The following R3HDM2 variants were observed in gnomAD, a reference collection of about 807,000 sequenced individuals.
The protein encoded by R3HDM2 is R3H domain containing 2, also known as R3H domain-containing protein 2.
In R3HDM2, 38 loss-of-function variants were observed where a neutral mutation model predicts 124.5. That is an observed-to-expected ratio of 0.31 (90% CI 0.24 to 0.40). R3HDM2 has a LOEUF of 0.40. R3HDM2 is among the 10% of genes least tolerant of loss of function. The pLI is 1.00. For synonymous variants in R3HDM2, 391 were observed against 448.0 expected, an observed-to-expected ratio of 0.87 and a Z score of 1.61; for missense variants, 869 against 1,236.9, an observed-to-expected ratio of 0.70 and a Z score of 4.46.
In R3HDM2 at chr12:57,311,896, T is replaced by G. The variant is rs117278631; in HGVS notation, c.-35-1433A>C. Among the ~76,000 whole-genome samples, 75 of 152,314 alleles carry G rather than the reference T, an allele frequency of 4.9e-4. 1 individual carries two copies. The East Asian group carries it at 0.014, about 29-fold the overall frequency. ...TATCACTACCTGGGAAATCCTGTAATGAAGCCTACACAGTTCTCCAACCAC... is the reference window on the plus strand; with the variant it reads ...TATCACTACCTGGGAAATCCTGTAAGGAAGCCTACACAGTTCTCCAACCAC... On this transcript the variant is annotated intron_variant, in intron 2 of 23. Coordinates refer to ENST00000402412, the MANE Select transcript of R3HDM2 (RefSeq NM_001394031.1).
chr12:57,295,982 G>A (rs774160236), intron 9 of R3HDM2, among the ~76,000 whole-genome samples: 8 of 152,258 alleles, frequency 5.3e-5, no homozygotes, highest in Non-Finnish European at 8.8e-5. Context: ...TGATTCTCCT[G>A]CCTCAGCCTC....
chr12:57,305,756 C>T (rs2052442057), intron 3 of R3HDM2: 1 of 397,000 alleles, frequency 2.5e-6, no homozygotes, highest in African/African-American at 2.1e-5. Flanking sequence ...ACAGCAGAAG[C>T]GTCTGACTCA....
At chr12:57,388,138 T>C (rs2066135512) in intron 2 of R3HDM2, among the ~76,000 whole-genome samples, 3 of 151,734 alleles carry the variant, frequency 2.0e-5, no homozygotes, top group Admixed American at 2.0e-4. Context: ...CTAATTTTTG[T>C]ATTTTTAGTA....
intron 2 of R3HDM2, among the ~76,000 whole-genome samples, chr12:57,335,883 T>G (rs2058790535): frequency 6.6e-6 from 1 of 151,852 alleles, no homozygotes; most frequent in African/African-American, 2.4e-5. Flanking sequence ...CATAAGGAAC[T>G]TAAATGTACA....
chr12:57,265,033 T>C (rs1239993442), intron 19 of R3HDM2, among the ~76,000 whole-genome samples: 1 of 152,178 alleles, frequency 6.6e-6, no homozygotes, highest in Non-Finnish European at 1.5e-5. Flanking sequence ...GGGGAATTCT[T>C]GGCAAAGGCA....
chr12:57,306,155 G>T (rs2052522922), intron 3 of R3HDM2, among the ~76,000 whole-genome samples: 1 of 152,144 alleles, frequency 6.6e-6, no homozygotes, highest in African/African-American at 2.4e-5. Context: ...TTATAACAGG[G>T]ACCAAGGAAT....
chr12:57,410,843 ACTCTGT>A (rs1486752358), intron 1 of R3HDM2, among the ~76,000 whole-genome samples: 1 of 152,090 alleles, frequency 6.6e-6, no homozygotes, highest in Non-Finnish European at 1.5e-5. Context: ...ACAGAGCAAG[ACTCTGT>A]CTCTAAATAA....
chr12:57,344,395 C>G (rs2059894996), intron 2 of R3HDM2, among the ~76,000 whole-genome samples: 2 of 152,078 alleles, frequency 1.3e-5, no homozygotes, highest in South Asian at 4.2e-4. Flanking sequence ...TAAAGAAGAC[C>G]CTGACATTCA....
At chr12:57,313,558 T>C (rs1309381299) in intron 2 of R3HDM2, among the ~76,000 whole-genome samples, 1 of 21,134 alleles carries the variant, frequency 4.7e-5, no homozygotes, top group East Asian at 1.4e-3. Context: ...AGTAAGACCT[T>C]GTCTCAAAAA....
chr12:57,299,506 G>A, intron 5 of R3HDM2, 28 bp from the exon 6 acceptor site: 1 of 1,535,198 alleles, frequency 6.5e-7, no homozygotes, highest in Non-Finnish European at 8.8e-7. Context: ...TAATCAAAGG[G>A]GGAAAAAGAT....
chr12:57,397,959 G>A (rs1489640768), intron 1 of R3HDM2, among the ~76,000 whole-genome samples: 3 of 152,148 alleles, frequency 2.0e-5, no homozygotes, highest in Non-Finnish European at 2.9e-5. Flanking sequence ...TAAGGCGGGC[G>A]AATCACGAGC....
chr12:57,420,832 A>G (rs948769881), intron 1 of R3HDM2, among the ~76,000 whole-genome samples: 1 of 151,944 alleles, frequency 6.6e-6, no homozygotes, highest in Non-Finnish European at 1.5e-5. Flanking sequence ...CGTATATACT[A>G]CTATACTGCT....
At chr12:57,402,707 C>G (rs1423800642) in intron 1 of R3HDM2, among the ~76,000 whole-genome samples, 3 of 151,704 alleles carry the variant, frequency 2.0e-5, no homozygotes, top group Non-Finnish European at 4.4e-5. Context: ...GAGGCAGAGG[C>G]TGCAGTGAGC....
intron 14 of R3HDM2, among the ~76,000 whole-genome samples, chr12:57,279,330 C>T (rs2045614388): frequency 6.6e-6 from 1 of 151,060 alleles, no homozygotes; most frequent in Admixed American, 6.6e-5. Flanking sequence ...TTACAGGCAC[C>T]CGCCACCATA....
chr12:57,280,251 C>A (rs2045820764), intron 14 of R3HDM2, 107 bp downstream of exon 14: 1 of 1,219,440 alleles, frequency 8.2e-7, no homozygotes, highest in South Asian at 1.9e-5. Flanking sequence ...TGGCATGTCT[C>A]CAAAAACTGA....
At chr12:57,365,301 T>C (rs1048591756) in intron 2 of R3HDM2, among the ~76,000 whole-genome samples, 11 of 151,822 alleles carry the variant, frequency 7.2e-5, no homozygotes, top group African/African-American at 2.7e-4. Context: ...ACCAGTCAGA[T>C]TGGATTAGGG....
intron 4 of R3HDM2, among the ~76,000 whole-genome samples, chr12:57,301,125 T>TA (rs952719333): frequency 1.6e-4 from 23 of 148,092 alleles, no homozygotes; most frequent in African/African-American, 4.2e-4. Context: ...AAACAAAAAA[T>TA]AAAAAAAAAT....
At chr12:57,342,746 G>A (rs954075868) in intron 2 of R3HDM2, among the ~76,000 whole-genome samples, 6 of 152,182 alleles carry the variant, frequency 3.9e-5, no homozygotes, top group Non-Finnish European at 5.9e-5. Flanking sequence ...TTTCTCACCT[G>A]CAAAATAACT....
At position 57,417,385 on chromosome 12, in the gene R3HDM2, A is replaced by AG. The variant is rs35640144; in HGVS notation, c.-106+13334_-106+13335insC. Among the ~76,000 whole-genome samples the AG allele has an allele frequency of 3.7e-3, 294 of 79,684 alleles. 3 individuals are homozygous for AG. The highest frequency in any genetic ancestry group is 0.011 in the Middle Eastern group (2 of 190). 52.3% of individuals were successfully genotyped at this position (79,684 alleles called of 152,430 possible). On this transcript the variant is annotated intron_variant, in intron 1 of 23. Transcript: ENST00000402412. ...GGGCTACGGGGCAAAATTCCATTTC[A>AG]AAAAAAAAAAAAAAAGAGAGAGACT...
Sources: gnomAD v4.1 joint callset for allele counts (sites outside exome capture counted in the v4.1 genomes callset) on GRCh38, gnomAD v4.1.1 for gene constraint, MANE v1.5 for transcripts, NCBI Gene and HGNC (gene_info 2026-07-23, HGNC 2026-07-21) for gene names.